The following CSMD1 variants were observed in gnomAD, a reference collection of about 807,000 sequenced individuals.
CSMD1 encodes CUB and Sushi multiple domains 1, also known as CUB and sushi domain-containing protein 1.
CSMD1 carries 213 observed loss-of-function variants against 417.5 expected under a neutral mutation model. That is an observed-to-expected ratio of 0.51 (90% confidence interval 0.46 to 0.57). The LOEUF (loss-of-function observed/expected upper bound fraction) is 0.57. CSMD1 is among the 20% of genes least tolerant of loss of function. CSMD1 has a pLI of 0.00. For missense variants in CSMD1, 6,923 were observed against 4,529.7 expected, an observed-to-expected ratio of 1.53 and a Z score of -15.17; for synonymous variants, 2,862 against 1,736.8, an observed-to-expected ratio of 1.65 and a Z score of -16.11.
At chr8:4,646,085 G>C (rs1279131811) in intron 1 of CSMD1, among the ~76,000 whole-genome samples, 1 of 152,182 alleles carries the variant, frequency 6.6e-6, no homozygotes, top group Non-Finnish European at 1.5e-5. Context: ...CTAAACCTGA[G>C]TCTTCGCTTC....
intron 5 of CSMD1, among the ~76,000 whole-genome samples, chr8:3,787,208 C>A (rs866177959): frequency 6.6e-6 from 1 of 151,954 alleles, no homozygotes; most frequent in Non-Finnish European, 1.5e-5. Context: ...TTTTGTATTC[C>A]TATGCTGAGG....
intron 26 of CSMD1, among the ~76,000 whole-genome samples, chr8:3,260,744 C>A (rs1288040992): frequency 1.3e-5 from 2 of 152,096 alleles, no homozygotes; most frequent in Non-Finnish European, 2.9e-5. Flanking sequence ...AGGCAAGGGG[C>A]TCTTCGACTT....
At chr8:2,992,240 A>T (rs192225257) in intron 54 of CSMD1, among the ~76,000 whole-genome samples, 251 of 152,032 alleles carry the variant, frequency 1.7e-3, no homozygotes, top group African/African-American at 5.7e-3. Flanking sequence ...TGCCACACTC[A>T]TTGCTGGGAG....
At chr8:4,196,816 A>G (rs891964120) in intron 3 of CSMD1, among the ~76,000 whole-genome samples, 1 of 152,160 alleles carries the variant, frequency 6.6e-6, no homozygotes, top group Non-Finnish European at 1.5e-5. Context: ...GGGATTAAGG[A>G]ATGAACACAC....
intron 3 of CSMD1, among the ~76,000 whole-genome samples, chr8:4,390,208 A>G (rs942488273): frequency 2.6e-5 from 4 of 152,130 alleles, no homozygotes; most frequent in South Asian, 2.1e-4. Flanking sequence ...CATGTTTTTG[A>G]CCAGTCAGGT....
At chr8:4,026,706 G>A (rs979878447) in intron 4 of CSMD1, among the ~76,000 whole-genome samples, 1 of 152,200 alleles carries the variant, frequency 6.6e-6, no homozygotes, top group Non-Finnish European at 1.5e-5. Context: ...TGCTATCTGA[G>A]AGATCAAGGG....
At chr8:3,977,971 T>A (rs1407297044) in intron 5 of CSMD1, among the ~76,000 whole-genome samples, 1 of 152,192 alleles carries the variant, frequency 6.6e-6, no homozygotes, top group Non-Finnish European at 1.5e-5. Flanking sequence ...TACGTGTCCA[T>A]CTACTAGCTC....
chr8:3,670,467 G>T, intron 7 of CSMD1, among the ~76,000 whole-genome samples: 1 of 122,882 alleles, frequency 8.1e-6, no homozygotes, highest in African/African-American at 2.9e-5. Context: ...CCATATATAT[G>T]TATCCCATAT....
chr8:3,943,409 T>C (rs895851913), intron 5 of CSMD1, among the ~76,000 whole-genome samples: 13 of 105,798 alleles, frequency 1.2e-4, no homozygotes, highest in African/African-American at 5.3e-4. Context: ...TCTTATAAGT[T>C]GTTTTTTTTT....
intron 3 of CSMD1, among the ~76,000 whole-genome samples, chr8:4,261,768 T>G (rs1803903277): frequency 6.6e-6 from 1 of 152,142 alleles, no homozygotes; most frequent in Non-Finnish European, 1.5e-5. Flanking sequence ...TGTGAAGTGA[T>G]GAATATGTTA....
At chr8:4,244,991 C>T (rs916199935) in intron 3 of CSMD1, among the ~76,000 whole-genome samples, 3 of 152,076 alleles carry the variant, frequency 2.0e-5, no homozygotes, top group South Asian at 2.1e-4. Context: ...GGAAGTAAAT[C>T]GACAAACATC....
intron 1 of CSMD1, among the ~76,000 whole-genome samples, chr8:4,806,698 C>T (rs927201284): frequency 1.3e-5 from 2 of 152,168 alleles, no homozygotes; most frequent in African/African-American, 2.4e-5. Context: ...CTGTGAGTTT[C>T]ATGTAGAGTA....
At chr8:2,973,094 C>A in intron 57 of CSMD1, 23 bp downstream of exon 57, 1 of 1,608,826 alleles carries the variant, frequency 6.2e-7, no homozygotes. Context: ...TCAAGGTGGA[C>A]CTTAAGGCTT....
intron 2 of CSMD1, among the ~76,000 whole-genome samples, chr8:4,454,499 C>G (rs1421322237): frequency 1.3e-5 from 2 of 152,126 alleles, no homozygotes; most frequent in African/African-American, 2.4e-5. Flanking sequence ...GTCACATATA[C>G]AATCCTTGGA....
chr8:2,943,632 C>A (rs903030926), intron 68 of CSMD1, among the ~76,000 whole-genome samples: 48 of 152,288 alleles, frequency 3.2e-4, no homozygotes, highest in African/African-American at 1.1e-3. Context: ...CATGGCATGG[C>A]ACTGAGAGGA....
intron 5 of CSMD1, among the ~76,000 whole-genome samples, chr8:3,834,155 A>G (rs746605567): frequency 8.5e-5 from 13 of 152,072 alleles, no homozygotes; most frequent in Non-Finnish European, 1.3e-4. Context: ...TGCTTTATCT[A>G]TATATACCTA....
intron 2 of CSMD1, among the ~76,000 whole-genome samples, chr8:4,513,975 T>C (rs931057758): frequency 6.6e-6 from 1 of 152,318 alleles, no homozygotes; most frequent in Admixed American, 6.5e-5. Context: ...TTTTTAACCC[T>C]AGATTGTAGC....
At chr8:4,898,569 C>A (rs1563708279) in intron 1 of CSMD1, among the ~76,000 whole-genome samples, 1 of 152,164 alleles carries the variant, frequency 6.6e-6, no homozygotes, top group Non-Finnish European at 1.5e-5. Flanking sequence ...GTGAGCATGG[C>A]TCACAAATCA....
At chr8:4,734,273 A>C (rs1585016963) in intron 1 of CSMD1, among the ~76,000 whole-genome samples, 1 of 152,206 alleles carries the variant, frequency 6.6e-6, no homozygotes, top group Non-Finnish European at 1.5e-5. Flanking sequence ...CTTTTAAAAA[A>C]TGTGATATAT....
Sources: gnomAD v4.1 joint callset for allele counts (sites outside exome capture counted in the v4.1 genomes callset) on GRCh38, gnomAD v4.1.1 for gene constraint, MANE v1.5 for transcripts, NCBI Gene and HGNC (gene_info 2026-07-23, HGNC 2026-07-21) for gene names.